The following UBA6 variants were observed in gnomAD, a reference collection of about 807,000 sequenced individuals.
The protein encoded by UBA6 is ubiquitin like modifier activating enzyme 6.
UBA6 carries 87 observed loss-of-function variants against 148.3 expected under a neutral mutation model. The observed-to-expected ratio is 0.59, with a 90% CI of 0.49 to 0.70. UBA6 has a LOEUF of 0.70. UBA6 is among the 30% of genes least tolerant of loss of function. UBA6 has a pLI of 0.00. For missense variants in UBA6, 1,186 were observed against 1,241.2 expected (o/e 0.96, Z 0.67); for synonymous variants, 376 against 401.0 (o/e 0.94, Z 0.75).
intron 8 of UBA6, among the ~76,000 whole-genome samples, chr4:67,669,181 A>G (rs892630643): frequency 1.3e-5 from 2 of 152,222 alleles, no homozygotes; most frequent in African/African-American, 4.8e-5. Flanking sequence ...AATAAAAGAT[A>G]ACACCAATGC....
At chr4:67,687,998 T>C (rs191296644) in intron 2 of UBA6, among the ~76,000 whole-genome samples, 4 of 152,152 alleles carry the variant, frequency 2.6e-5, no homozygotes, top group African/African-American at 9.7e-5. Flanking sequence ...AGAGTCATAG[T>C]AGTAAAAGCA....
intron 14 of UBA6, among the ~76,000 whole-genome samples, chr4:67,647,196 A>G (rs919290904): frequency 6.6e-6 from 1 of 152,154 alleles, no homozygotes; most frequent in African/African-American, 2.4e-5. Context: ...TTTGAGACAG[A>G]GTCTTTCTGT....
Position 67,633,485 on chromosome 4 carries a change from G to C in UBA6, c.2014-12C>G. On this transcript the variant is annotated splice_polypyrimidine_tract_variant and intron_variant, in intron 22 of 32. Coordinates refer to ENST00000322244, the MANE Select transcript of UBA6 (RefSeq NM_018227.6). ...CCACTCTGTATCTTCTAGAATGGGA[G>C]AGAAAAAAAAAATCAACATACTTCC... is the stretch of plus-strand genomic sequence containing the variant. 1.3e-6 allele frequency: 2 copies of C among 1,558,932 alleles called. No homozygotes were observed. The highest frequency in any genetic ancestry group is 1.7e-6 in the Non-Finnish European group (2 of 1,162,332).
At chr4:67,696,450 CAT>C (rs922992867) in intron 2 of UBA6, among the ~76,000 whole-genome samples, 193 bp downstream of exon 2, 13 of 124,956 alleles carry the variant, frequency 1.0e-4, no homozygotes, top group African/African-American at 3.5e-4. Context: ...CACATATACA[CAT>C]ATATATACAT....
intron 8 of UBA6, among the ~76,000 whole-genome samples, chr4:67,669,751 C>G (rs907739113): frequency 9.9e-5 from 15 of 152,228 alleles, no homozygotes; most frequent in African/African-American, 3.6e-4. Context: ...ATGCTTTTCT[C>G]TAATATGATT....
Position 67,660,353 on chromosome 4 carries a change from A to G in UBA6, c.1104+1836T>C, listed in dbSNP as rs529406000. Among the ~76,000 whole-genome samples the G allele has an allele frequency of 2.6e-5, 4 of 152,288 alleles. No homozygotes were observed. In the South Asian group the frequency reaches 8.3e-4, roughly 32 times the overall value. On this transcript the variant is annotated intron_variant, in intron 13 of 32. Transcript: ENST00000322244. ...CACAGACCTGGAGGCCTAATAGGAAAAAATGGTTTTGTGGGGTGGGCCCAG... is the reference window on the plus strand; with the variant it reads ...CACAGACCTGGAGGCCTAATAGGAAGAAATGGTTTTGTGGGGTGGGCCCAG...
At chr4:67,680,401 A>G (rs1730404550) in intron 4 of UBA6, among the ~76,000 whole-genome samples, 1 of 152,204 alleles carries the variant, frequency 6.6e-6, no homozygotes, top group Admixed American at 6.6e-5. Context: ...GGCTATAACT[A>G]CCAGTTTACA....
At chr4:67,626,265 T>C (rs573711345) in intron 28 of UBA6, 95 bp downstream of exon 28, 48 of 731,562 alleles carry the variant, frequency 6.6e-5, no homozygotes, top group Admixed American at 3.5e-4. Context: ...TCATTATTAT[T>C]GTTGTGATTA....
intron 13 of UBA6, among the ~76,000 whole-genome samples, chr4:67,657,999 C>A (rs1729745061): frequency 6.6e-6 from 1 of 152,112 alleles, no homozygotes; most frequent in Non-Finnish European, 1.5e-5. Flanking sequence ...AATGAGATAC[C>A]ATCTCATGCC....
intron 7 of UBA6, among the ~76,000 whole-genome samples, chr4:67,672,780 C>T (rs1419456035): frequency 6.6e-6 from 1 of 152,140 alleles, no homozygotes; most frequent in African/African-American, 2.4e-5. Flanking sequence ...TGCCTTCCCC[C>T]AGATCTTTAT....
At chr4:67,670,690 T>C (rs1730125203) in intron 7 of UBA6, 98 bp from the exon 8 acceptor site, 1 of 896,600 alleles carries the variant, frequency 1.1e-6, no homozygotes, top group Non-Finnish European at 1.8e-6. Flanking sequence ...TATAATTAAG[T>C]ATACCTTACA....
intron 2 of UBA6, among the ~76,000 whole-genome samples, chr4:67,689,673 T>G (rs1291959739): frequency 6.6e-6 from 1 of 152,262 alleles, no homozygotes; most frequent in South Asian, 2.1e-4. Context: ...GGATGGAATG[T>G]GTAAGTGCCT....
intron 2 of UBA6, among the ~76,000 whole-genome samples, chr4:67,692,080 T>C (rs1318309266): frequency 6.6e-6 from 1 of 152,216 alleles, no homozygotes; most frequent in Non-Finnish European, 1.5e-5. Context: ...AGTTCTTTAG[T>C]GGTGATTTGT....
Position 67,665,271 on chromosome 4 carries a change from C to T in UBA6, c.815G>A (p.Ser272Asn). ...TTCCAGTTCTGTGGTGTCACCAATA[C>T]TAAAAGAAAATGGCGATATCACTAG... is the stretch of plus-strand genomic sequence containing the variant. ...QITVISPFSF[S>N]IGDTTELEPY... The change falls in exon 10 of 33, where the codon AGT (serine) becomes AAT (asparagine). Residue 272 changes from serine to asparagine, a missense_variant. Ser to Asn is a conservative substitution (Grantham distance 46, BLOSUM62 1). Transcript: ENST00000322244. The T allele has an allele frequency of 1.3e-6, 2 of 1,599,706 alleles. No individual in the cohort carries two copies. Among genetic ancestry groups the T allele is most frequent in the Middle Eastern group, 3.3e-4 (2 of 6,008 alleles).
At position 67,629,224 on chromosome 4, in the gene UBA6, T is replaced by C. The variant is rs929325580; in HGVS notation, c.2329-82A>G. 3.5e-6 allele frequency: 3 copies of C among 853,042 alleles called. No homozygotes were observed. In the African/African-American group the frequency reaches 5.0e-5, roughly 14 times the overall value. The allele number at this position is 853,042 out of a possible 1,614,324, so 52.8% of individuals were successfully genotyped here. ...AAAATATCCTACAAAAGGTCCTTAA[T>C]CATATTACAATATATGAATATTTCA... On this transcript the variant is annotated intron_variant, in intron 26 of 32. Coordinates refer to ENST00000322244, the MANE Select transcript of UBA6 (RefSeq NM_018227.6).
At chr4:67,625,290 T>A (rs973838200) in intron 28 of UBA6, 103 bp from the exon 29 acceptor site, 5 of 878,142 alleles carry the variant, frequency 5.7e-6, no homozygotes, top group Non-Finnish European at 6.5e-6. Flanking sequence ...TTCCTTTTTA[T>A]ATTTTTTAAT....
chr4:67,656,011 A>G (rs1729680610), intron 13 of UBA6, among the ~76,000 whole-genome samples: 1 of 152,232 alleles, frequency 6.6e-6, no homozygotes, highest in Non-Finnish European at 1.5e-5. Flanking sequence ...CTCTGAATAG[A>G]ACAATAACAG....
rs915876202 is a variant in UBA6 at position 67,662,015 on chromosome 4, A to G, written c.1104+174T>C. 3 of 552,796 alleles carry G rather than the reference A, an allele frequency of 5.4e-6. No homozygotes were observed. The African/African-American group carries it at 5.7e-5, about 10-fold the overall frequency. 34.2% of individuals were successfully genotyped at this position (552,796 alleles called of 1,614,324 possible). On this transcript the variant is annotated intron_variant, in intron 13 of 32. Transcript: ENST00000322244. ...TTTAATGTTCACAATAACCCTATGAAGGTAGGTTAACTCTATTTTATAGAT... is the reference window on the plus strand; with the variant it reads ...TTTAATGTTCACAATAACCCTATGAGGGTAGGTTAACTCTATTTTATAGAT...
At chr4:67,700,869 G>A (rs892948225) in intron 1 of UBA6, among the ~76,000 whole-genome samples, 180 bp downstream of exon 1, 8 of 152,204 alleles carry the variant, frequency 5.3e-5, no homozygotes, top group African/African-American at 1.9e-4. Flanking sequence ...GCCGGCAACA[G>A]CAGAGGCCCT....
Sources: allele counts gnomAD v4.1 joint callset (sites outside exome capture counted in the v4.1 genomes callset), GRCh38; gene constraint gnomAD v4.1.1; transcripts MANE v1.5; gene names NCBI Gene and HGNC (gene_info 2026-07-23, HGNC 2026-07-21).